TSPAN2: variants seen among roughly 807,000 people sequenced by gnomAD.
The protein encoded by TSPAN2 is tetraspanin 2, also known as tetraspanin-2.
A neutral mutation model predicts 33.3 loss-of-function variants in TSPAN2; 24 were observed. The observed-to-expected ratio is 0.72, with a 90% CI of 0.52 to 1.01. The LOEUF is 1.01. TSPAN2 is among the 50% of genes least tolerant of loss of function. TSPAN2 has a pLI of 0.00. For missense variants in TSPAN2, 278 were observed against 281.3 expected (o/e 0.99, Z 0.08); for synonymous variants, 114 against 104.5 (o/e 1.09, Z -0.56).
intron 2 of TSPAN2, among the ~76,000 whole-genome samples, chr1:115,067,390 T>C (rs1019034378): frequency 3.3e-5 from 5 of 152,230 alleles, no homozygotes; most frequent in Non-Finnish European, 5.9e-5. Context: ...AACTATGGCT[T>C]GAGGTAAGTC....
chr1:115,056,234 T>C (rs1647415668), intron 6 of TSPAN2, among the ~76,000 whole-genome samples: 1 of 152,356 alleles, frequency 6.6e-6, no homozygotes, highest in East Asian at 1.9e-4. Context: ...TAATTTTCTA[T>C]ATTTTCTATA....
intron 1 of TSPAN2, among the ~76,000 whole-genome samples, chr1:115,086,462 G>A (rs1485372298): frequency 6.6e-6 from 1 of 152,168 alleles, no homozygotes; most frequent in Non-Finnish European, 1.5e-5. Flanking sequence ...AGTCCTTCCA[G>A]GTTTAGCTCG....
At position 115,060,296 on chromosome 1, in the gene TSPAN2, T is replaced by C. The variant is rs7529669; in HGVS notation, c.345+168A>G. Among the ~76,000 whole-genome samples the C allele has an allele frequency of 8.3e-3, 1,264 of 152,320 alleles. 23 individuals are homozygous for C. The highest frequency in any genetic ancestry group is 0.029 in the African/African-American group (1,190 of 41,556). ...AAAAATGTGAGCATGTATATATGCC[T>C]GCACACTCATATACATATATGCTCA... On this transcript the variant is annotated intron_variant, in intron 4 of 7. Coordinates refer to ENST00000369516, the MANE Select transcript of TSPAN2 (RefSeq NM_005725.6).
rs1043500488 is a variant in TSPAN2, at chr1:115,050,029, C to T, written c.*461G>A. The T allele has an allele frequency of 1.8e-5, 4 of 218,386 alleles. No individual in the cohort carries two copies. The highest frequency in any genetic ancestry group is 3.6e-5 in the Non-Finnish European group (4 of 109,744). 13.5% of individuals were successfully genotyped at this position (218,386 alleles called of 1,614,324 possible). On this transcript the variant is annotated 3_prime_UTR_variant, in exon 8 of 8. Coordinates refer to ENST00000369516, the MANE Select transcript of TSPAN2 (RefSeq NM_005725.6). ...AACACTCCATTGTGATCTCTCAATT[C>T]TTACAGCTTATTACTTCCATTAAGA...
At chr1:115,055,325 G>C (rs1647354869) in intron 6 of TSPAN2, among the ~76,000 whole-genome samples, 1 of 63,926 alleles carries the variant, frequency 1.6e-5, no homozygotes, top group African/African-American at 4.8e-5. Flanking sequence ...ATCTGGAAAA[G>C]AGATTTTTTT....
chr1:115,074,483 G>C (rs1443719326), intron 1 of TSPAN2, among the ~76,000 whole-genome samples: 2 of 152,066 alleles, frequency 1.3e-5, no homozygotes, highest in Admixed American at 1.3e-4. Flanking sequence ...CCAGTACTTA[G>C]AGGAAAGCAC....
intron 5 of TSPAN2, 113 bp downstream of exon 5, chr1:115,058,770 C>T (rs1044147717): frequency 1.1e-6 from 1 of 917,260 alleles, no homozygotes; most frequent in Non-Finnish European, 1.8e-6. Context: ...ATAGGTGGTG[C>T]TACTTGGCTT....
At chr1:115,063,390 A>G (rs1157404093) in intron 2 of TSPAN2, among the ~76,000 whole-genome samples, 5 of 152,246 alleles carry the variant, frequency 3.3e-5, no homozygotes, top group East Asian at 1.9e-4. Context: ...CATACCAGTC[A>G]GAATGGCTTT....
chr1:115,079,409 C>A (rs1275772342), intron 1 of TSPAN2, among the ~76,000 whole-genome samples: 2 of 152,120 alleles, frequency 1.3e-5, no homozygotes, highest in Non-Finnish European at 1.5e-5. Flanking sequence ...TGATTGTAAA[C>A]CCCATTATGA....
intron 1 of TSPAN2, among the ~76,000 whole-genome samples, chr1:115,087,161 C>A (rs1172275946): frequency 6.6e-6 from 1 of 151,832 alleles, no homozygotes; most frequent in Non-Finnish European, 1.5e-5. Context: ...TCAGGTGATC[C>A]GCCTGCCTTG....
chr1:115,062,346 C>T, intron 2 of TSPAN2, 114 bp from the exon 3 acceptor site: 1 of 737,176 alleles, frequency 1.4e-6, no homozygotes. Flanking sequence ...AAAGGAGGTG[C>T]TATTCTTACT....
At chr1:115,061,894 T>G (rs1647740227) in intron 3 of TSPAN2, among the ~76,000 whole-genome samples, 1 of 152,104 alleles carries the variant, frequency 6.6e-6, no homozygotes, top group African/African-American at 2.4e-5. Context: ...GCTCCAGAGA[T>G]CCTCCTGCCT....
intron 1 of TSPAN2, among the ~76,000 whole-genome samples, chr1:115,076,918 C>A (rs1484762663): frequency 6.6e-6 from 1 of 151,520 alleles, no homozygotes; most frequent in East Asian, 1.9e-4. Context: ...TTTTTTGAGT[C>A]CTCCCTCCCT....
chr1:115,069,320 C>T (rs1238728892), intron 2 of TSPAN2, among the ~76,000 whole-genome samples: 1 of 152,212 alleles, frequency 6.6e-6, no homozygotes, highest in Non-Finnish European at 1.5e-5. Flanking sequence ...GCTGACTCAC[C>T]TCCAGCTCCA....
chr1:115,078,296 C>T (rs1010872799), intron 1 of TSPAN2, among the ~76,000 whole-genome samples: 1 of 152,174 alleles, frequency 6.6e-6, no homozygotes, highest in African/African-American at 2.4e-5. Flanking sequence ...TCTGTGAGGG[C>T]AGGGACAGGG....
At chr1:115,075,756 G>A (rs371698950) in intron 1 of TSPAN2, among the ~76,000 whole-genome samples, 10 of 152,092 alleles carry the variant, frequency 6.6e-5, no homozygotes, top group East Asian at 3.8e-4. Flanking sequence ...ACTGCCTCAC[G>A]CCCACATTCT....
chr1:115,072,820 C>A, intron 2 of TSPAN2, 85 bp downstream of exon 2: 1 of 1,229,116 alleles, frequency 8.1e-7, no homozygotes, highest in Non-Finnish European at 1.2e-6. Context: ...CCCCTCCCAC[C>A]AAAGTTCAAG....
chr1:115,057,424 C>T, intron 6 of TSPAN2, 113 bp downstream of exon 6: 1 of 1,009,016 alleles, frequency 9.9e-7, no homozygotes, highest in Non-Finnish European at 1.6e-6. Flanking sequence ...TCTATGCTGC[C>T]ACTAGAGCAA....
intron 2 of TSPAN2, among the ~76,000 whole-genome samples, chr1:115,070,695 C>G (rs937439699): frequency 6.6e-6 from 1 of 152,076 alleles, no homozygotes; most frequent in Non-Finnish European, 1.5e-5. Flanking sequence ...TTCCTCTTCT[C>G]CATTGATTAC....
Sources: allele counts gnomAD v4.1 joint callset (sites outside exome capture counted in the v4.1 genomes callset), GRCh38; gene constraint gnomAD v4.1.1; transcripts MANE v1.5; gene names NCBI Gene and HGNC (gene_info 2026-07-23, HGNC 2026-07-21).